FAM89A: variants seen among roughly 807,000 people sequenced by gnomAD.
FAM89A encodes the protein family with sequence similarity 89 member A.
FAM89A carries 10 observed loss-of-function variants against 7.1 expected under a neutral mutation model. The observed-to-expected ratio is 1.40, with a 90% CI of 0.86 to 2.38. The LOEUF (loss-of-function observed/expected upper bound fraction) is 2.38, where lower values mean the gene tolerates loss of function less well. Ranked by LOEUF, FAM89A falls within the 30% of genes most tolerant of loss-of-function variation. FAM89A has a pLI of 0.00. For missense variants in FAM89A, 276 were observed against 262.8 expected (o/e 1.05, Z -0.35); for synonymous variants, 157 against 129.3 (o/e 1.21, Z -1.45).
rs544463794 is a variant in FAM89A, at chr1:231,030,884, T to C, written c.291+9037A>G. On this transcript the variant is annotated intron_variant, in intron 1 of 1. Coordinates refer to ENST00000366654, the MANE Select transcript of FAM89A (RefSeq NM_198552.3). ...CAGCACTGTGGGAGGACAAGACAGGTGGAGCACTTGAGCCTGAGAGTTCGA... is the reference window on the plus strand; with the variant it reads ...CAGCACTGTGGGAGGACAAGACAGGCGGAGCACTTGAGCCTGAGAGTTCGA... 2.0e-5 allele frequency among the ~76,000 whole-genome samples: 3 copies of C among 152,212 alleles called. No individual in the cohort carries two copies. In the South Asian group the frequency reaches 6.2e-4, roughly 32 times the overall value.
Position 231,022,011 on chromosome 1 carries a change from T to A in FAM89A, c.292-1885A>T. On this transcript the variant is annotated intron_variant, in intron 1 of 1. Transcript: ENST00000366654. ...CCCTCGGGTACTGTCGGTTGTCCTA[T>A]CTGCATGGACAGATATTCAGAGATC... 2.2e-6 allele frequency: 3 copies of A among 1,342,414 alleles called. No individual in the cohort carries two copies. In the Admixed American group the frequency reaches 5.0e-5, roughly 22 times the overall value. 83.2% of individuals were successfully genotyped at this position (1,342,414 alleles called of 1,614,324 possible).
intron 1 of FAM89A, among the ~76,000 whole-genome samples, chr1:231,037,974 T>C (rs1306375054): frequency 6.6e-6 from 1 of 152,204 alleles, no homozygotes; most frequent in African/African-American, 2.4e-5. Context: ...ACACAAACTA[T>C]TTTGCAGATA....
chr1:231,023,900 T>C lies in FAM89A; in HGVS notation c.292-3774A>G, dbSNP rs542244945. Among the ~76,000 whole-genome samples the C allele has an allele frequency of 3.3e-5, 5 of 152,286 alleles. No homozygotes were observed. In the East Asian group the frequency reaches 5.8e-4, roughly 18 times the overall value. ...TTGGAGTCAGTCCACTAATAAAATATGGTAACACCCATTTTAAAATTTCTT... is the reference window on the plus strand; with the variant it reads ...TTGGAGTCAGTCCACTAATAAAATACGGTAACACCCATTTTAAAATTTCTT... On this transcript the variant is annotated intron_variant, in intron 1 of 1. Transcript: ENST00000366654.
chr1:231,031,603 G>A (rs1198049053), intron 1 of FAM89A, among the ~76,000 whole-genome samples: 1 of 152,084 alleles, frequency 6.6e-6, no homozygotes, highest in Non-Finnish European at 1.5e-5. Context: ...AAGAATCTCA[G>A]GGGCCCCTAG....
In FAM89A at chr1:231,037,227, T is replaced by C. The variant is rs77745497; in HGVS notation, c.291+2694A>G. 1.1e-4 allele frequency among the ~76,000 whole-genome samples: 17 copies of C among 152,314 alleles called. No homozygotes were observed. In the East Asian group the frequency reaches 3.3e-3, roughly 29 times the overall value. Reference sequence around the variant, plus strand: ...TAATATAAAACAGACTTTGAGTATCTATCTCATGGAGAATTTATACCATTA... The same window carrying C: ...TAATATAAAACAGACTTTGAGTATCCATCTCATGGAGAATTTATACCATTA... On this transcript the variant is annotated intron_variant, in intron 1 of 1. Coordinates refer to ENST00000366654, the MANE Select transcript of FAM89A (RefSeq NM_198552.3).
Position 231,039,976 on chromosome 1 carries a change from A to G in FAM89A, c.236T>C (p.Leu79Pro). Reference protein sequence around the residue: ...PGGGGARAAALPAKPPNLDAA... With the variant: ...PGGGGARAAAPPAKPPNLDAA... ...GTCCAGGTTGGGAGGCTTGGCGGGC[A>G]GCGCTGCCGCCCGGGCCCCGCCGCC... The change falls in exon 1 of 2, where the codon CTG becomes CCG. Residue 79 changes from leucine to proline, a missense_variant. Transcript: ENST00000366654. 2 of 1,374,498 alleles carry G rather than the reference A, an allele frequency of 1.5e-6. No homozygotes were observed. Among genetic ancestry groups the G allele is most frequent in the Middle Eastern group, 2.7e-4 (1 of 3,730 alleles). The allele number at this position is 1,374,498 out of a possible 1,614,324, so 85.1% of individuals were successfully genotyped here. A position where few individuals can be genotyped will look rare whatever the true frequency, so the allele number is the denominator to read the frequency against.
intron 1 of FAM89A, among the ~76,000 whole-genome samples, chr1:231,034,243 C>G (rs1680121647): frequency 6.6e-6 from 1 of 152,176 alleles, no homozygotes; most frequent in South Asian, 2.1e-4. Flanking sequence ...AAAGTTATGA[C>G]AGAGCCAACT....
In FAM89A at chr1:231,019,853, C is replaced by T. The variant is rs750328882; in HGVS notation, c.*10G>A. On this transcript the variant is annotated 3_prime_UTR_variant, in exon 2 of 2. Transcript: ENST00000366654. ...GGGCTTCCCAACAGTCACATCCCTC[C>T]CAAGACCCTCTAGATGGACTCCAGA... 6.2e-7 allele frequency: 1 copy of T among 1,611,904 alleles called. No individual in the cohort carries two copies. Among genetic ancestry groups the T allele is most frequent in the Non-Finnish European group, 8.5e-7 (1 of 1,178,722 alleles).
rs1572360235 is a variant in FAM89A at position 231,040,024 on chromosome 1, T to C, written c.188A>G (p.Glu63Gly). Residue 63 changes from glutamate to glycine, a missense_variant, in exon 1 of 2, where the codon GAG (glutamate) becomes GGG (glycine). By Grantham distance (98) the Glu-to-Gly change is moderately conservative (BLOSUM62 -2). Transcript: ENST00000366654. ...GCCGCCCGGGCCCCCGCGGCTCAGC[T>C]CGTCCTGGATGCGCGACTTCTGCGC... ...LYAQKSRIQDELSRGGPGGGG... is the reference protein window; with the variant it reads ...LYAQKSRIQDGLSRGGPGGGG... 7.0e-7 allele frequency: 1 copy of C among 1,437,738 alleles called. No homozygotes were observed. The highest frequency in any genetic ancestry group is 3.1e-5 in the East Asian group (1 of 32,378). The allele number at this position is 1,437,738 out of a possible 1,614,324, so 89.1% of individuals were successfully genotyped here.
chr1:231,024,925 T>TC lies in FAM89A; in HGVS notation c.292-4800_292-4799insG, dbSNP rs1320670689. Among the ~76,000 whole-genome samples, 3 of 138,648 alleles carry TC rather than the reference T, an allele frequency of 2.2e-5. No individual in the cohort carries two copies. The East Asian group carries it at 6.2e-4, about 29-fold the overall frequency. 91.0% of individuals were successfully genotyped at this position (138,648 alleles called of 152,430 possible). A position where few individuals can be genotyped will look rare whatever the true frequency, so the allele number is the denominator to read the frequency against. On this transcript the variant is annotated intron_variant, in intron 1 of 1. Coordinates refer to ENST00000366654, the MANE Select transcript of FAM89A (RefSeq NM_198552.3). ...CTACCACAACTACTCTTTTTTTTTT[T>TC]TTTTTTTTTTTTTTTGAGACAGAGT...
chr1:231,030,083 T>A (rs1680043471), intron 1 of FAM89A, among the ~76,000 whole-genome samples: 1 of 152,218 alleles, frequency 6.6e-6, no homozygotes, highest in Non-Finnish European at 1.5e-5. Flanking sequence ...GACTCTCAGC[T>A]CCCTGGTGGG....
intron 1 of FAM89A, among the ~76,000 whole-genome samples, chr1:231,024,755 T>A (rs1182870866): frequency 6.6e-6 from 1 of 151,954 alleles, no homozygotes; most frequent in Non-Finnish European, 1.5e-5. Flanking sequence ...TTGCCCAGGC[T>A]GGTCTCAAAC....
At chr1:231,039,898 C>A (rs12025055) in intron 1 of FAM89A, 23 bp downstream of exon 1, 2 of 1,291,476 alleles carry the variant, frequency 1.5e-6, no homozygotes, top group Non-Finnish European at 2.0e-6. Flanking sequence ...GGGAAGAGCC[C>A]CAGCTCGCGG....
chr1:231,032,443 T>A (rs1430405882), intron 1 of FAM89A, among the ~76,000 whole-genome samples: 1 of 134,700 alleles, frequency 7.4e-6, no homozygotes, highest in Non-Finnish European at 1.5e-5. Flanking sequence ...AAACCCTCAC[T>A]GTGACAGGAT....
At chr1:231,024,635 C>T (rs1198175929) in intron 1 of FAM89A, among the ~76,000 whole-genome samples, 1 of 152,090 alleles carries the variant, frequency 6.6e-6, no homozygotes, top group Non-Finnish European at 1.5e-5. Flanking sequence ...CTCCTGGGCT[C>T]AAGGGATCCT....
At chr1:231,026,956 C>A (rs535701195) in intron 1 of FAM89A, 1 of 152,186 alleles carries the variant, frequency 6.6e-6, no homozygotes, top group Non-Finnish European at 1.5e-5. Context: ...CCTCTGACAC[C>A]AGTAGGGTGG....
At chr1:231,025,827 AGTACCC>A (rs1435890800) in intron 1 of FAM89A, among the ~76,000 whole-genome samples, 20 of 152,156 alleles carry the variant, frequency 1.3e-4, no homozygotes, top group South Asian at 6.2e-4. Flanking sequence ...TAATACAAAA[AGTACCC>A]AGATGATGCT....
At chr1:231,021,476 TC>T in intron 1 of FAM89A, 1 of 617,464 alleles carries the variant, frequency 1.6e-6, no homozygotes, top group South Asian at 2.0e-5. Flanking sequence ...TGGAAATCTG[TC>T]CCGATCCAAA....
chr1:231,029,097 G>T (rs1680025110), intron 1 of FAM89A, among the ~76,000 whole-genome samples: 1 of 152,170 alleles, frequency 6.6e-6, no homozygotes, highest in Non-Finnish European at 1.5e-5. Flanking sequence ...TGACCACTAG[G>T]AAACAAGGCT....
Sources: allele counts gnomAD v4.1 joint callset (sites outside exome capture counted in the v4.1 genomes callset), GRCh38; gene constraint gnomAD v4.1.1; transcripts MANE v1.5; gene names NCBI Gene and HGNC (gene_info 2026-07-23, HGNC 2026-07-21).